The following VEGFC variants were observed in gnomAD, a reference collection of about 807,000 sequenced individuals.
The protein encoded by VEGFC is vascular endothelial growth factor C.
Under a neutral mutation model 46.1 loss-of-function variants are expected in VEGFC, and 12 were observed. That is an observed-to-expected ratio of 0.26 (90% CI 0.17 to 0.42). The LOEUF (loss-of-function observed/expected upper bound fraction) is 0.42, where lower values mean the gene tolerates loss of function less well. VEGFC is among the 10% of genes least tolerant of loss of function. The probability of loss-of-function intolerance (pLI) is 1.00; values close to 1 mark genes in which losing one functional copy is unlikely to be tolerated. For synonymous variants in VEGFC, 232 were observed against 195.5 expected (o/e 1.19, Z -1.56); for missense variants, 488 against 529.4 (o/e 0.92, Z 0.77).
chr4:176,691,864 T>C (rs2110970887), intron 4 of VEGFC, among the ~76,000 whole-genome samples: 1 of 152,282 alleles, frequency 6.6e-6, no homozygotes, highest in South Asian at 2.1e-4. Context: ...AGACGGGTGA[T>C]TTCTGCATTT....
chr4:176,738,054 G>C (rs560320147), intron 1 of VEGFC, among the ~76,000 whole-genome samples: 1 of 151,998 alleles, frequency 6.6e-6, no homozygotes, highest in East Asian at 1.9e-4. Flanking sequence ...ATTCAGAGAG[G>C]ACACAAGCAA....
intron 4 of VEGFC, among the ~76,000 whole-genome samples, chr4:176,708,495 T>G (rs1050898467): frequency 3.3e-5 from 5 of 151,954 alleles, no homozygotes; most frequent in African/African-American, 7.2e-5. Context: ...ATGGGGAAAG[T>G]GATTAGGGAA....
intron 3 of VEGFC, among the ~76,000 whole-genome samples, chr4:176,726,006 C>G (rs1734868597): frequency 2.0e-5 from 3 of 151,764 alleles, no homozygotes; most frequent in Middle Eastern, 3.5e-3. Flanking sequence ...TACATAATAC[C>G]AATAAAACCT....
At chr4:176,775,260 A>G (rs1735795791) in intron 1 of VEGFC, among the ~76,000 whole-genome samples, 1 of 152,228 alleles carries the variant, frequency 6.6e-6, no homozygotes, top group Admixed American at 6.5e-5. Flanking sequence ...CTGAGAAAAA[A>G]AAAGTAATGA....
chr4:176,692,824 C>A (rs555999057), intron 4 of VEGFC, among the ~76,000 whole-genome samples: 57 of 146,786 alleles, frequency 3.9e-4, no homozygotes, highest in Admixed American at 8.0e-4. Context: ...TGACCCCTGA[C>A]CCCCGAGCAG....
intron 4 of VEGFC, among the ~76,000 whole-genome samples, chr4:176,688,943 T>C (rs1415059434): frequency 6.6e-6 from 1 of 152,214 alleles, no homozygotes; most frequent in Non-Finnish European, 1.5e-5. Context: ...ATCACATTAC[T>C]ACTAGACCTT....
intron 1 of VEGFC, among the ~76,000 whole-genome samples, chr4:176,743,597 T>G (rs1366837014): frequency 8.0e-5 from 12 of 149,820 alleles, no homozygotes; most frequent in Non-Finnish European, 1.6e-4. Context: ...AATATATAAA[T>G]TATGAAATAT....
intron 1 of VEGFC, among the ~76,000 whole-genome samples, chr4:176,736,663 CTT>C (rs1579113797): frequency 6.6e-6 from 1 of 150,532 alleles, no homozygotes; most frequent in African/African-American, 2.5e-5. Context: ...ATAAAAGACT[CTT>C]TCTTGGTTGT....
At chr4:176,723,793 G>A (rs1482482014) in intron 3 of VEGFC, among the ~76,000 whole-genome samples, 2 of 142,558 alleles carry the variant, frequency 1.4e-5, no homozygotes, top group Non-Finnish European at 3.0e-5. Context: ...AGGTTTGGGG[G>A]TGCATGTGCA....
intron 3 of VEGFC, among the ~76,000 whole-genome samples, chr4:176,724,162 AGT>A (rs1002197726): frequency 6.6e-6 from 1 of 152,204 alleles, no homozygotes; most frequent in Non-Finnish European, 1.5e-5. Flanking sequence ...AAATTCCACA[AGT>A]GTGTTAATCA....
At chr4:176,717,304 T>C (rs1407209189) in intron 3 of VEGFC, among the ~76,000 whole-genome samples, 1 of 152,118 alleles carries the variant, frequency 6.6e-6, no homozygotes, top group Non-Finnish European at 1.5e-5. Context: ...TCTGACTGTA[T>C]ATTCTGTAAA....
intron 1 of VEGFC, among the ~76,000 whole-genome samples, chr4:176,777,185 C>G (rs557963423): frequency 2.6e-5 from 4 of 152,004 alleles, no homozygotes; most frequent in Admixed American, 2.6e-4. Flanking sequence ...GGCGTGGTGG[C>G]GGGCGCCTGT....
At chr4:176,712,728 A>T (rs938943345) in intron 3 of VEGFC, among the ~76,000 whole-genome samples, 2 of 152,170 alleles carry the variant, frequency 1.3e-5, no homozygotes, top group East Asian at 1.9e-4. Flanking sequence ...TATTTATGGG[A>T]TAGGATTAGC....
At chr4:176,760,308 T>C (rs1184040602) in intron 1 of VEGFC, among the ~76,000 whole-genome samples, 1 of 152,172 alleles carries the variant, frequency 6.6e-6, no homozygotes, top group Non-Finnish European at 1.5e-5. Context: ...ATTCAAAATA[T>C]AGGCCATTTT....
At chr4:176,698,651 C>CG (rs2110982906) in intron 4 of VEGFC, among the ~76,000 whole-genome samples, 1 of 152,142 alleles carries the variant, frequency 6.6e-6, no homozygotes, top group Admixed American at 6.5e-5. Context: ...CTGTACTATA[C>CG]GTTAGGTCTC....
chr4:176,769,816 C>A lies in VEGFC; in HGVS notation c.147+22349G>T, dbSNP rs13130306. 1.5e-4 allele frequency among the ~76,000 whole-genome samples: 23 copies of A among 152,164 alleles called. No homozygotes were observed. The South Asian group carries it at 4.4e-3, about 29-fold the overall frequency. ...ATTAAGGTCATACAGCTCCTGAGGC[C>A]CATCACTAAATTCAAATCCAGTTCT... On this transcript the variant is annotated intron_variant, in intron 1 of 6. Coordinates refer to ENST00000618562, the MANE Select transcript of VEGFC (RefSeq NM_005429.5).
intron 1 of VEGFC, among the ~76,000 whole-genome samples, chr4:176,781,857 G>T (rs540862900): frequency 1.3e-5 from 2 of 152,154 alleles, no homozygotes; most frequent in Non-Finnish European, 2.9e-5. Flanking sequence ...GTAAAAGGGC[G>T]TTAAACTTTG....
chr4:176,701,654 G>A (rs1734435211), intron 4 of VEGFC, among the ~76,000 whole-genome samples: 1 of 152,102 alleles, frequency 6.6e-6, no homozygotes, highest in Non-Finnish European at 1.5e-5. Flanking sequence ...CACATCAACA[G>A]GTGATCCTTT....
In VEGFC at chr4:176,762,611, G is replaced by A. The variant is rs76222195; in HGVS notation, c.147+29554C>T. 1.2e-3 allele frequency among the ~76,000 whole-genome samples: 187 copies of A among 152,196 alleles called. 4 individuals are homozygous for A. The highest frequency in any genetic ancestry group is 4.1e-3 in the African/African-American group (169 of 41,512). ...AAGACATTTCTGTTTCTAACAGTTC[G>A]GTAGAAGACTCTTTCTGAAAAAGTG... On this transcript the variant is annotated intron_variant, in intron 1 of 6. Transcript: ENST00000618562.
Sources: allele counts gnomAD v4.1 joint callset (sites outside exome capture counted in the v4.1 genomes callset), GRCh38; gene constraint gnomAD v4.1.1; transcripts MANE v1.5; gene names NCBI Gene and HGNC (gene_info 2026-07-23, HGNC 2026-07-21).